The following ITSN1 variants were observed in gnomAD, a reference collection of about 807,000 sequenced individuals.
ITSN1 encodes the protein intersectin 1, also known as intersectin-1.
Under a neutral mutation model 239.8 loss-of-function variants are expected in ITSN1, and 58 were observed. The observed-to-expected ratio is 0.24, with a 90% confidence interval of 0.20 to 0.30. The LOEUF (loss-of-function observed/expected upper bound fraction) is 0.30. Among genes scored for constraint, ITSN1 ranks in the 10% least tolerant of loss-of-function variants. The pLI, the probability that ITSN1 is intolerant of heterozygous loss-of-function variation, is 1.00. For missense variants in ITSN1, 1,558 were observed against 2,103.3 expected (o/e 0.74, Z 5.07); for synonymous variants, 780 against 770.8 (o/e 1.01, Z -0.20).
At chr21:33,808,144 G>A (rs954636423) in intron 20 of ITSN1, among the ~76,000 whole-genome samples, 4 of 151,194 alleles carry the variant, frequency 2.6e-5, no homozygotes, top group South Asian at 2.1e-4. Context: ...CCGAGATTGC[G>A]CCACTGCAGT....
intron 5 of ITSN1, 121 bp from the exon 6 acceptor site, chr21:33,750,022 A>C (rs2067441329): frequency 9.7e-6 from 9 of 927,794 alleles, no homozygotes; most frequent in Non-Finnish European, 1.3e-5. Context: ...TTGAAGCCCT[A>C]TTTTAATTGG....
At chr21:33,678,888 A>G (rs1218477169) in intron 1 of ITSN1, among the ~76,000 whole-genome samples, 6 of 152,078 alleles carry the variant, frequency 3.9e-5, no homozygotes, top group Non-Finnish European at 7.4e-5. Flanking sequence ...TAATTTTTGT[A>G]TTTTTAGTAG....
intron 5 of ITSN1, among the ~76,000 whole-genome samples, chr21:33,739,620 G>A (rs2147312569): frequency 6.6e-6 from 1 of 152,298 alleles, no homozygotes; most frequent in Middle Eastern, 3.4e-3. Flanking sequence ...AAGATGGCCA[G>A]GGAAGAATTC....
chr21:33,821,310 T>G (rs2148291513), intron 24 of ITSN1, among the ~76,000 whole-genome samples: 1 of 152,278 alleles, frequency 6.6e-6, no homozygotes, highest in Admixed American at 6.5e-5. Context: ...TGAAATGACT[T>G]AGTTATTAGA....
chr21:33,823,326 G>T (rs1316218602), intron 24 of ITSN1, among the ~76,000 whole-genome samples, 161 bp from the exon 25 acceptor site: 1 of 152,194 alleles, frequency 6.6e-6, no homozygotes, highest in Non-Finnish European at 1.5e-5. Flanking sequence ...GGAATGTGGA[G>T]CCCAGGGCAT....
intron 4 of ITSN1, among the ~76,000 whole-genome samples, chr21:33,725,591 C>T (rs1382371688): frequency 1.3e-5 from 2 of 152,008 alleles, no homozygotes; most frequent in African/African-American, 2.4e-5. Context: ...AAGACCCTGT[C>T]TCTAAAAAAT....
chr21:33,874,755 T>A (rs1983424018), intron 33 of ITSN1, among the ~76,000 whole-genome samples: 1 of 151,494 alleles, frequency 6.6e-6, no homozygotes, highest in Non-Finnish European at 1.5e-5. Flanking sequence ...TTCAAGCGAT[T>A]CTTCTGCCTC....
At chr21:33,857,822 C>T (rs531820225) in intron 30 of ITSN1, among the ~76,000 whole-genome samples, 10 of 152,182 alleles carry the variant, frequency 6.6e-5, no homozygotes, top group African/African-American at 1.9e-4. Context: ...CTCTGCAAAA[C>T]GCACCACCAT....
At chr21:33,691,001 G>A (rs146729234) in intron 1 of ITSN1, among the ~76,000 whole-genome samples, 24 of 151,394 alleles carry the variant, frequency 1.6e-4, no homozygotes, top group African/African-American at 5.3e-4. Context: ...CTGGAAAGCA[G>A]CTGTGTGAAC....
chr21:33,754,747 G>A (rs1387102869), intron 7 of ITSN1, among the ~76,000 whole-genome samples: 5 of 152,160 alleles, frequency 3.3e-5, no homozygotes, highest in Non-Finnish European at 7.4e-5. Context: ...CCATGGAAAT[G>A]TTCTGTTCTC....
chr21:33,814,559 AG>A (rs1247313462), intron 22 of ITSN1: 1 of 154,988 alleles, frequency 6.5e-6, no homozygotes, highest in Non-Finnish European at 1.4e-5. Context: ...GAAAGGATAA[AG>A]GTGGTTATTC....
Position 33,778,648 on chromosome 21 carries a change from G to A in ITSN1, c.1597-2813G>A, listed in dbSNP as rs1345635438. Among the ~76,000 whole-genome samples, 4 of 110,776 alleles carry A rather than the reference G, an allele frequency of 3.6e-5. 1 individual carries two copies. Among genetic ancestry groups the A allele is most frequent in the African/African-American group, 1.7e-4 (4 of 23,062 alleles). The allele number at this position is 110,776 out of a possible 152,430, so 72.7% of individuals were successfully genotyped here. A position where few individuals can be genotyped will look rare whatever the true frequency, so the allele number is the denominator to read the frequency against. ...GGCTGGAGTGCAGTGGCGCAATCTC[G>A]GCTCACTGCAAGCTCCGCCTCCCGG... On this transcript the variant is annotated intron_variant, in intron 14 of 39. Transcript: ENST00000381318.
chr21:33,720,778 C>G (rs1262217813), intron 2 of ITSN1, among the ~76,000 whole-genome samples: 1 of 152,054 alleles, frequency 6.6e-6, no homozygotes, highest in African/African-American at 2.4e-5. Flanking sequence ...TCACACTCAC[C>G]TTCTTCTTTC....
intron 16 of ITSN1, among the ~76,000 whole-genome samples, chr21:33,787,121 C>T (rs376991636): frequency 1.3e-5 from 2 of 152,032 alleles, no homozygotes; most frequent in African/African-American, 4.8e-5. Context: ...TGACGAGTTG[C>T]GTGTGTGTAT....
rs982565638 is a variant in ITSN1 at position 33,876,092 on chromosome 21, TC to T, written c.4341+572del. 2.7e-3 allele frequency among the ~76,000 whole-genome samples: 390 copies of T among 144,996 alleles called. 13 individuals are homozygous for T. Among genetic ancestry groups the T allele is most frequent in the Non-Finnish European group, 1.5e-3 (102 of 66,108 alleles). On this transcript the variant is annotated intron_variant, in intron 34 of 39. Transcript: ENST00000381318. ...TCTTTCTCCCTTTTTCTTTCCTCTT[TC>T]TTTCTTTCCTTCTTTCTTTCTTTCT...
At chr21:33,727,371 C>T (rs1207672192) in intron 4 of ITSN1, among the ~76,000 whole-genome samples, 1 of 151,516 alleles carries the variant, frequency 6.6e-6, no homozygotes, top group African/African-American at 2.4e-5. Flanking sequence ...AGACGGAGGG[C>T]CAGCAGAAAT....
chr21:33,773,302 C>A (rs2069323113), intron 12 of ITSN1, among the ~76,000 whole-genome samples: 1 of 152,186 alleles, frequency 6.6e-6, no homozygotes, highest in South Asian at 2.1e-4. Context: ...GCCACCGCGC[C>A]TGGCCCATGC....
chr21:33,742,567 T>C (rs951415018), intron 5 of ITSN1, among the ~76,000 whole-genome samples: 2 of 152,200 alleles, frequency 1.3e-5, no homozygotes, highest in African/African-American at 4.8e-5. Context: ...GAAAGGGTTA[T>C]GCTCTCTGCA....
chr21:33,676,636 C>A (rs2090610944), intron 1 of ITSN1, among the ~76,000 whole-genome samples: 1 of 152,174 alleles, frequency 6.6e-6, no homozygotes, highest in Non-Finnish European at 1.5e-5. Context: ...ATGTAATTTA[C>A]ATTTTTAAAT....
Sources: gnomAD v4.1 joint callset for allele counts (sites outside exome capture counted in the v4.1 genomes callset) on GRCh38, gnomAD v4.1.1 for gene constraint, MANE v1.5 for transcripts, NCBI Gene and HGNC (gene_info 2026-07-23, HGNC 2026-07-21) for gene names.